Variants in THSD7B observed in about 807,000 individuals in gnomAD.
THSD7B encodes thrombospondin type-1 domain-containing protein 7B.
Under a neutral mutation model 213.6 loss-of-function variants are expected in THSD7B, and 138 were observed. The observed-to-expected ratio is 0.65, with a 90% CI of 0.56 to 0.74. The LOEUF is 0.74. Ranked by LOEUF, THSD7B falls within the 30% of genes least tolerant of loss-of-function variation. The pLI, the probability that THSD7B is intolerant of heterozygous loss-of-function variation, is 0.00. For missense variants in THSD7B, 1,931 were observed against 1,991.5 expected (o/e 0.97, Z 0.58); for synonymous variants, 742 against 687.0 (o/e 1.08, Z -1.25).
intron 2 of THSD7B, among the ~76,000 whole-genome samples, chr2:136,926,042 C>T (rs1269503374): frequency 6.6e-6 from 1 of 151,996 alleles, no homozygotes; most frequent in Non-Finnish European, 1.5e-5. Flanking sequence ...ACTCTCATTC[C>T]TCTCTGCAAA....
At chr2:137,420,363 A>G (rs1160396005) in intron 14 of THSD7B, among the ~76,000 whole-genome samples, 1 of 152,124 alleles carries the variant, frequency 6.6e-6, no homozygotes, top group African/African-American at 2.4e-5. Context: ...TCTCTAGTTG[A>G]TTCCTAATAA....
chr2:136,952,010 C>T (rs1213160444), intron 2 of THSD7B, among the ~76,000 whole-genome samples: 1 of 152,072 alleles, frequency 6.6e-6, no homozygotes, highest in South Asian at 2.1e-4. Context: ...GCTGGAACTA[C>T]AGGCACGCAC....
At chr2:137,131,632 A>G (rs1688734330) in intron 5 of THSD7B, among the ~76,000 whole-genome samples, 1 of 152,234 alleles carries the variant, frequency 6.6e-6, no homozygotes, top group South Asian at 2.1e-4. Flanking sequence ...TTTATTAAAT[A>G]GGGAATCCTT....
At chr2:136,832,199 G>A (rs1190998234) in intron 1 of THSD7B, among the ~76,000 whole-genome samples, 1 of 103,364 alleles carries the variant, frequency 9.7e-6, no homozygotes, top group African/African-American at 3.4e-5. Flanking sequence ...GTGTGTGTGT[G>A]TGTATACACA....
intron 5 of THSD7B, among the ~76,000 whole-genome samples, chr2:137,153,565 G>C (rs1006203021): frequency 1.3e-5 from 2 of 152,130 alleles, no homozygotes; most frequent in African/African-American, 4.8e-5. Flanking sequence ...CTAGGAGACA[G>C]ATTTTATTCT....
chr2:137,659,634 C>A, intron 24 of THSD7B, 30 bp from the exon 25 acceptor site: 2 of 1,561,144 alleles, frequency 1.3e-6, no homozygotes, highest in Non-Finnish European at 1.7e-6. Context: ...ATAGAGAAAT[C>A]TGCAAATGAT....
At chr2:137,026,433 G>A (rs1669655340) in intron 2 of THSD7B, among the ~76,000 whole-genome samples, 1 of 152,150 alleles carries the variant, frequency 6.6e-6, no homozygotes, top group Admixed American at 6.6e-5. Flanking sequence ...TTCTGCACAT[G>A]GCTTCTTGCT....
chr2:137,174,015 ACTTT>A (rs754167197), intron 7 of THSD7B, among the ~76,000 whole-genome samples: 1 of 152,194 alleles, frequency 6.6e-6, no homozygotes, highest in South Asian at 2.1e-4. Context: ...CTTCATAGAC[ACTTT>A]CTTTCAGAAT....
At chr2:137,111,639 A>G (rs1254506299) in intron 4 of THSD7B, among the ~76,000 whole-genome samples, 1 of 152,200 alleles carries the variant, frequency 6.6e-6, no homozygotes, top group Non-Finnish European at 1.5e-5. Context: ...TACAGTAAGC[A>G]GGCAGAAAAT....
intron 12 of THSD7B, among the ~76,000 whole-genome samples, chr2:137,392,632 G>A: frequency 6.6e-6 from 1 of 151,926 alleles, no homozygotes; most frequent in East Asian, 1.9e-4. Flanking sequence ...GTCCATATGT[G>A]TCTTTAGAGA....
At chr2:136,794,160 T>C (rs1340024154) in intron 1 of THSD7B, among the ~76,000 whole-genome samples, 3 of 151,712 alleles carry the variant, frequency 2.0e-5, no homozygotes, top group Admixed American at 2.0e-4. Flanking sequence ...GCAAATCTTT[T>C]CAAAGAAAGT....
chr2:136,996,397 C>T (rs578246580), intron 2 of THSD7B, among the ~76,000 whole-genome samples: 10 of 151,064 alleles, frequency 6.6e-5, no homozygotes, highest in East Asian at 2.0e-4. Context: ...GCTGGAGTGC[C>T]GTGACGCAAT....
chr2:137,070,654 T>G (rs1043743649), intron 3 of THSD7B, among the ~76,000 whole-genome samples: 2 of 152,080 alleles, frequency 1.3e-5, no homozygotes, highest in Non-Finnish European at 2.9e-5. Flanking sequence ...GTTGGTGTGC[T>G]GCACCCATTA....
intron 12 of THSD7B, among the ~76,000 whole-genome samples, chr2:137,369,643 C>A (rs928143242): frequency 6.6e-6 from 1 of 152,120 alleles, no homozygotes; most frequent in Non-Finnish European, 1.5e-5. Context: ...AACTCAGTAA[C>A]GATTACTCTC....
At chr2:136,985,540 G>C (rs1439803737) in intron 2 of THSD7B, among the ~76,000 whole-genome samples, 1 of 152,208 alleles carries the variant, frequency 6.6e-6, no homozygotes, top group Non-Finnish European at 1.5e-5. Context: ...GTGGGGCTTG[G>C]CAGCTTCCCC....
At chr2:137,333,929 G>A (rs1415529404) in intron 12 of THSD7B, among the ~76,000 whole-genome samples, 1 of 152,090 alleles carries the variant, frequency 6.6e-6, no homozygotes, top group African/African-American at 2.4e-5. Context: ...TGTCTAATAT[G>A]GTTCTAAACC....
At chr2:136,881,434 G>A (rs1176914625) in intron 1 of THSD7B, among the ~76,000 whole-genome samples, 1 of 152,112 alleles carries the variant, frequency 6.6e-6, no homozygotes, top group Non-Finnish European at 1.5e-5. Context: ...CCTTCAGTGG[G>A]TGAGGATTGA....
chr2:137,354,862 T>C (rs968112765), intron 12 of THSD7B, among the ~76,000 whole-genome samples: 4 of 151,760 alleles, frequency 2.6e-5, no homozygotes, highest in African/African-American at 9.7e-5. Context: ...GATCATCTAA[T>C]CAAAAGGGAA....
rs531376973 is a variant in THSD7B, at chr2:137,110,056, C to T, written c.1200-5068C>T. 2.9e-3 allele frequency among the ~76,000 whole-genome samples: 436 copies of T among 152,264 alleles called. 7 individuals are homozygous for T. The highest frequency in any genetic ancestry group is 5.9e-4 in the Non-Finnish European group (40 of 68,024). ...CACTTGCCCAACATCCTTATGCTCA[C>T]TCCCTCATTTTATTCAGGACTCTGA... On this transcript the variant is annotated intron_variant, in intron 4 of 27. Coordinates refer to ENST00000409968, the MANE Select transcript of THSD7B (RefSeq NM_001316349.2).
Sources: gnomAD v4.1 joint callset for allele counts (sites outside exome capture counted in the v4.1 genomes callset) on GRCh38, gnomAD v4.1.1 for gene constraint, MANE v1.5 for transcripts, NCBI Gene and HGNC (gene_info 2026-07-23, HGNC 2026-07-21) for gene names.